The following PTPRN2 variants were observed in gnomAD, a reference collection of about 807,000 sequenced individuals.
PTPRN2 encodes the protein protein tyrosine phosphatase receptor type N2.
PTPRN2 carries 74 observed loss-of-function variants against 118.8 expected under a neutral mutation model. That is an observed-to-expected ratio of 0.62 (90% CI 0.52 to 0.76). The LOEUF (loss-of-function observed/expected upper bound fraction) is 0.76. Ranked by LOEUF, PTPRN2 falls within the 30% of genes least tolerant of loss-of-function variation. The probability of loss-of-function intolerance (pLI) is 0.00; values close to 1 mark genes in which losing one functional copy is unlikely to be tolerated. For synonymous variants in PTPRN2, 641 were observed against 608.0 expected, an observed-to-expected ratio of 1.05 and a Z score of -0.80; for missense variants, 1,481 against 1,394.4, an observed-to-expected ratio of 1.06 and a Z score of -0.99.
At chr7:158,270,535 G>T (rs1027230743) in intron 3 of PTPRN2, among the ~76,000 whole-genome samples, 4 of 152,088 alleles carry the variant, frequency 2.6e-5, no homozygotes, top group Admixed American at 2.0e-4. Context: ...ACCAGGCCAG[G>T]CCCCCTGCAG....
At chr7:158,470,233 C>G (rs576711057) in intron 2 of PTPRN2, among the ~76,000 whole-genome samples, 1 of 152,326 alleles carries the variant, frequency 6.6e-6, no homozygotes, top group South Asian at 2.1e-4. Flanking sequence ...TTCTGTTTTG[C>G]AGAAAAACTA....
intron 10 of PTPRN2, among the ~76,000 whole-genome samples, chr7:158,103,304 G>A (rs1263566809): frequency 1.3e-5 from 2 of 152,014 alleles, no homozygotes; most frequent in African/African-American, 4.8e-5. Context: ...GGAAAGGAAT[G>A]CAGTTTGAAC....
At chr7:157,762,029 C>T (rs531820141) in intron 12 of PTPRN2, among the ~76,000 whole-genome samples, 1,858 of 152,154 alleles carry the variant, frequency 0.012, 40 homozygotes, top group African/African-American at 0.043. Context: ...AAATGCAAAT[C>T]AAAACCACAA....
chr7:158,190,526 C>T lies in PTPRN2; in HGVS notation c.549+1801G>A, dbSNP rs558231271. ...GTCCTGATGGGAGGTGGGCCTGGCA[C>T]AGAGCAGGGCTGGGACTGGCCTTTC... On this transcript the variant is annotated intron_variant, in intron 5 of 22. Transcript: ENST00000389418. Among the ~76,000 whole-genome samples, 257 of 152,306 alleles carry T rather than the reference C, an allele frequency of 1.7e-3. 2 individuals are homozygous for T. The highest frequency in any genetic ancestry group is 6.0e-3 in the African/African-American group (249 of 41,568).
chr7:157,726,675 C>T (rs1799620508), intron 12 of PTPRN2, among the ~76,000 whole-genome samples: 3 of 152,202 alleles, frequency 2.0e-5, no homozygotes, highest in Non-Finnish European at 2.9e-5. Context: ...ACACTCAAAA[C>T]GTTTGTGCGT....
Position 157,671,596 on chromosome 7 carries a change from A to G in PTPRN2, c.2001+11129T>C, listed in dbSNP as rs552214601. Reference sequence around the variant, plus strand: ...AGAGGAGCCCAGCCCAGGGACACAAAAGGTATTCACATCCTTCCATTCGGT... The same window carrying G: ...AGAGGAGCCCAGCCCAGGGACACAAGAGGTATTCACATCCTTCCATTCGGT... On this transcript the variant is annotated intron_variant, in intron 13 of 22. Coordinates refer to ENST00000389418, the MANE Select transcript of PTPRN2 (RefSeq NM_002847.5). This position sits in a 1 kb window ranked among gnomAD's most constrained non-coding sequence, Gnocchi z 4.1. 7.2e-5 allele frequency among the ~76,000 whole-genome samples: 11 copies of G among 152,176 alleles called. No individual in the cohort carries two copies. In the East Asian group the frequency reaches 2.1e-3, roughly 30 times the overall value.
chr7:157,573,095 C>T (rs937074311), intron 19 of PTPRN2, among the ~76,000 whole-genome samples: 5 of 152,242 alleles, frequency 3.3e-5, no homozygotes, highest in Non-Finnish European at 5.9e-5. Flanking sequence ...CTGACTCAGG[C>T]TGTAAAGCAT....
At chr7:158,030,431 G>C (rs1382573436) in intron 11 of PTPRN2, 1 of 151,874 alleles carries the variant, frequency 6.6e-6, no homozygotes, top group African/African-American at 2.4e-5. Context: ...ATGTCCCCCA[G>C]GAAAGCACGT....
intron 12 of PTPRN2, among the ~76,000 whole-genome samples, chr7:157,686,102 G>A (rs907611260): frequency 6.6e-5 from 10 of 152,226 alleles, no homozygotes; most frequent in Non-Finnish European, 7.3e-5. Context: ...GCAGGGAAGG[G>A]CGGGACGCTG....
intron 1 of PTPRN2, among the ~76,000 whole-genome samples, chr7:158,492,913 C>T (rs927600533): frequency 1.3e-5 from 2 of 152,226 alleles, no homozygotes; most frequent in East Asian, 3.8e-4. Flanking sequence ...TGTACCCTGT[C>T]GGCTCACAGA....
intron 12 of PTPRN2, among the ~76,000 whole-genome samples, chr7:157,860,306 C>T (rs1036143388): frequency 5.3e-5 from 8 of 152,352 alleles, no homozygotes; most frequent in Non-Finnish European, 1.0e-4. Flanking sequence ...CAAGCCAAGA[C>T]TCTCTCTAGG....
At chr7:158,000,422 A>G (rs1363122839) in intron 11 of PTPRN2, among the ~76,000 whole-genome samples, 1 of 152,010 alleles carries the variant, frequency 6.6e-6, no homozygotes, top group African/African-American at 2.4e-5. Context: ...CCAACACGTG[A>G]AAGCCGTGGA....
rs74907133 is a variant in PTPRN2, at chr7:157,653,606, G to A, written c.2196+2751C>T. On this transcript the variant is annotated intron_variant, in intron 14 of 22. Coordinates refer to ENST00000389418, the MANE Select transcript of PTPRN2 (RefSeq NM_002847.5). ...GGTCTACCTGGAGCTCACCTGTGGC[G>A]TGAGTCTGTGCCTCTCTGCTCCTGT... Among the ~76,000 whole-genome samples the A allele has an allele frequency of 2.7e-3, 406 of 152,242 alleles. 2 individuals carry two copies. Among genetic ancestry groups the A allele is most frequent in the African/African-American group, 9.6e-3 (398 of 41,548 alleles).
chr7:157,882,936 T>C (rs544452002), intron 12 of PTPRN2, among the ~76,000 whole-genome samples: 4 of 149,452 alleles, frequency 2.7e-5, no homozygotes, highest in East Asian at 2.0e-4. Flanking sequence ...AAATTGACTG[T>C]TGGAGAACAG....
At chr7:158,244,032 C>T (rs1171034264) in intron 3 of PTPRN2, among the ~76,000 whole-genome samples, 6 of 152,210 alleles carry the variant, frequency 3.9e-5, no homozygotes, top group Non-Finnish European at 8.8e-5. Flanking sequence ...TGATCCCTCC[C>T]ACCCCGAGTC....
intron 2 of PTPRN2, among the ~76,000 whole-genome samples, chr7:158,327,510 CAT>C (rs1050992139): frequency 9.2e-5 from 14 of 151,862 alleles, no homozygotes; most frequent in African/African-American, 1.9e-4. Flanking sequence ...TTCTCACACA[CAT>C]GAACATTCTC....
chr7:158,432,660 A>C (rs1206865441), intron 2 of PTPRN2, among the ~76,000 whole-genome samples: 1 of 152,230 alleles, frequency 6.6e-6, no homozygotes, highest in Non-Finnish European at 1.5e-5. Context: ...TTGAGATACT[A>C]TGCATTCCAA....
chr7:158,255,744 T>G (rs1318658144), intron 3 of PTPRN2, among the ~76,000 whole-genome samples: 1 of 13,678 alleles, frequency 7.3e-5, no homozygotes, highest in Non-Finnish European at 1.6e-4. Flanking sequence ...TCCCACCCCA[T>G]GCACCAAGCT....
intron 12 of PTPRN2, chr7:157,740,406 G>A (rs978430930): frequency 2.2e-4 from 34 of 152,044 alleles, no homozygotes; most frequent in African/African-American, 7.8e-4. Flanking sequence ...GACCAGCTCC[G>A]GAACATCGTC....
Sources: gnomAD v4.1 joint callset for allele counts (sites outside exome capture counted in the v4.1 genomes callset) on GRCh38, gnomAD v4.1.1 for gene constraint, Gnocchi (gnomAD v3.1) non-coding constraint, MANE v1.5 for transcripts, NCBI Gene and HGNC (gene_info 2026-07-23, HGNC 2026-07-21) for gene names.